LYPD6B: variants seen among roughly 807,000 people sequenced by gnomAD.
LYPD6B encodes LY6/PLAUR domain containing 6B.
A neutral mutation model predicts 22.8 loss-of-function variants in LYPD6B; 17 were observed. The ratio of observed to expected loss-of-function variants is 0.75; its 90% confidence interval spans 0.51 to 1.12. LYPD6B has a LOEUF of 1.12. Ranked by LOEUF, LYPD6B falls within the 50% of genes most tolerant of loss-of-function variation. LYPD6B has a pLI of 0.00. For synonymous variants in LYPD6B, 106 were observed against 91.6 expected, an observed-to-expected ratio of 1.16 and a Z score of -0.90; for missense variants, 221 against 258.3, an observed-to-expected ratio of 0.86 and a Z score of 0.99.
chr2:149,107,794 A>G (rs1686550346), intron 1 of LYPD6B, among the ~76,000 whole-genome samples: 1 of 152,156 alleles, frequency 6.6e-6, no homozygotes, highest in South Asian at 2.1e-4. Flanking sequence ...AATATATTCC[A>G]TCTTGGTAAC....
chr2:149,075,136 C>T (rs541230166), intron 1 of LYPD6B, among the ~76,000 whole-genome samples: 3 of 152,240 alleles, frequency 2.0e-5, no homozygotes, highest in South Asian at 4.1e-4. Context: ...TATATAATTC[C>T]TAGATGCTCC....
chr2:149,120,784 CTT>C (rs567231544), intron 1 of LYPD6B, among the ~76,000 whole-genome samples: 3 of 95,538 alleles, frequency 3.1e-5, no homozygotes, highest in South Asian at 3.5e-4. Flanking sequence ...GCTACAAAGT[CTT>C]TTTTTTTTTT....
chr2:149,053,524 A>C (rs1400584795), intron 1 of LYPD6B, among the ~76,000 whole-genome samples: 1 of 152,178 alleles, frequency 6.6e-6, no homozygotes, highest in East Asian at 1.9e-4. Flanking sequence ...AAGTTCTATC[A>C]CTGAACATTT....
In LYPD6B at chr2:149,153,502, C is replaced by T. The variant is rs139505296; in HGVS notation, c.6-7262C>T. On this transcript the variant is annotated intron_variant, in intron 2 of 6. Transcript: ENST00000409642. ...TAGTTAAGAAGAAGTCTTGGCTGGG[C>T]GCGGTGGCTCATGCCTGTAATCCCA... Among the ~76,000 whole-genome samples the T allele has an allele frequency of 5.3e-3, 809 of 152,166 alleles. 8 individuals are homozygous for T. Among genetic ancestry groups the T allele is most frequent in the African/African-American group, 0.019 (785 of 41,498 alleles).
At chr2:149,204,292 G>T (rs1693363622) in intron 3 of LYPD6B, among the ~76,000 whole-genome samples, 1 of 152,190 alleles carries the variant, frequency 6.6e-6, no homozygotes, top group Non-Finnish European at 1.5e-5. Flanking sequence ...AAATAGCAGA[G>T]CCAGCACCTG....
At chr2:149,144,920 G>A (rs914673803) in intron 2 of LYPD6B, among the ~76,000 whole-genome samples, 1 of 152,110 alleles carries the variant, frequency 6.6e-6, no homozygotes, top group Non-Finnish European at 1.5e-5. Flanking sequence ...GAAACGTGGT[G>A]TCAACTGCTC....
intron 1 of LYPD6B, among the ~76,000 whole-genome samples, chr2:149,050,435 C>G (rs1242344105): frequency 6.6e-6 from 1 of 152,142 alleles, no homozygotes; most frequent in Non-Finnish European, 1.5e-5. Flanking sequence ...GATATTACAT[C>G]ATTGGTATCG....
At chr2:149,127,463 T>C (rs914445770) in intron 1 of LYPD6B, among the ~76,000 whole-genome samples, 9 of 152,288 alleles carry the variant, frequency 5.9e-5, no homozygotes, top group African/African-American at 2.2e-4. Context: ...TGCCCCACCA[T>C]GGGAGGGTCC....
intron 5 of LYPD6B, among the ~76,000 whole-genome samples, chr2:149,209,130 A>G (rs1242712158): frequency 6.6e-6 from 1 of 152,198 alleles, no homozygotes; most frequent in East Asian, 1.9e-4. Context: ...GGGCCAGGAT[A>G]TGCAGGAGCT....
intron 3 of LYPD6B, among the ~76,000 whole-genome samples, chr2:149,175,386 T>C (rs888543362): frequency 2.9e-4 from 44 of 152,148 alleles, no homozygotes; most frequent in Non-Finnish European, 6.0e-4. Flanking sequence ...GGTACACCTG[T>C]ATAGGGCATT....
At chr2:149,126,150 CTG>C (rs1297643139) in intron 1 of LYPD6B, among the ~76,000 whole-genome samples, 1 of 152,196 alleles carries the variant, frequency 6.6e-6, no homozygotes, top group Non-Finnish European at 1.5e-5. Context: ...GAGAAATTAG[CTG>C]TCAGTCTAAT....
At chr2:149,047,973 A>G (rs2105271952) in intron 1 of LYPD6B, among the ~76,000 whole-genome samples, 1 of 152,096 alleles carries the variant, frequency 6.6e-6, no homozygotes, top group African/African-American at 2.4e-5. Context: ...AAATATTTCC[A>G]TTTGATTCTT....
intron 1 of LYPD6B, among the ~76,000 whole-genome samples, chr2:149,061,130 G>A (rs1684057884): frequency 6.6e-6 from 1 of 152,044 alleles, no homozygotes; most frequent in Non-Finnish European, 1.5e-5. Context: ...TGGAAAGCTT[G>A]GAGATGAGCA....
At chr2:149,053,946 A>G (rs4635496) in intron 1 of LYPD6B, among the ~76,000 whole-genome samples, 127,957 of 152,156 alleles carry the variant, frequency 0.84, 54,360 homozygotes, top group East Asian at 0.98. Context: ...CATTCTTTTG[A>G]TGGCTGAATA....
intron 1 of LYPD6B, among the ~76,000 whole-genome samples, chr2:149,068,329 T>TA (rs1684436385): frequency 1.3e-5 from 2 of 152,174 alleles, no homozygotes; most frequent in African/African-American, 4.8e-5. Context: ...TCTCCAAGTC[T>TA]AGTTGTTCCA....
chr2:149,136,382 T>C (rs1392141675), intron 2 of LYPD6B, among the ~76,000 whole-genome samples: 2 of 152,220 alleles, frequency 1.3e-5, no homozygotes, highest in Admixed American at 6.5e-5. Context: ...TGGCTTTTGG[T>C]AGAAGCTTAC....
At chr2:149,111,125 G>T (rs138890479) in intron 1 of LYPD6B, among the ~76,000 whole-genome samples, 23 of 152,216 alleles carry the variant, frequency 1.5e-4, no homozygotes, top group African/African-American at 5.5e-4. Context: ...GTAAGGGAGA[G>T]AATAGTAGGA....
At chr2:149,146,875 C>T (rs976178826) in intron 2 of LYPD6B, among the ~76,000 whole-genome samples, 19 of 152,186 alleles carry the variant, frequency 1.2e-4, no homozygotes, top group Admixed American at 5.2e-4. Flanking sequence ...GTAGAATCTT[C>T]TACAAATTTT....
intron 3 of LYPD6B, among the ~76,000 whole-genome samples, chr2:149,197,454 G>C (rs999787815): frequency 4.7e-5 from 7 of 150,378 alleles, no homozygotes; most frequent in Non-Finnish European, 7.4e-5. Context: ...GGAGGTTGCA[G>C]TGAGCCGAGA....
Sources: gnomAD v4.1 joint callset for allele counts (sites outside exome capture counted in the v4.1 genomes callset) on GRCh38, gnomAD v4.1.1 for gene constraint, MANE v1.5 for transcripts, NCBI Gene and HGNC (gene_info 2026-07-23, HGNC 2026-07-21) for gene names.